HS6ST3: variants seen among roughly 807,000 people sequenced by gnomAD.
The protein encoded by HS6ST3 is heparan-sulfate 6-O-sulfotransferase 3.
HS6ST3 carries 12 observed loss-of-function variants against 36.7 expected under a neutral mutation model. That is an observed-to-expected ratio of 0.33 (90% CI 0.21 to 0.53). HS6ST3 has a LOEUF of 0.53. Ranked by LOEUF, HS6ST3 falls within the 20% of genes least tolerant of loss-of-function variation. The pLI, the probability that HS6ST3 is intolerant of heterozygous loss-of-function variation, is 0.95. For missense variants in HS6ST3, 584 were observed against 640.9 expected, an observed-to-expected ratio of 0.91 and a Z score of 0.96; for synonymous variants, 240 against 257.5, an observed-to-expected ratio of 0.93 and a Z score of 0.65.
chr13:96,660,669 A>C (rs1483304202), intron 1 of HS6ST3, among the ~76,000 whole-genome samples: 2 of 152,198 alleles, frequency 1.3e-5, no homozygotes, highest in Non-Finnish European at 2.9e-5. Flanking sequence ...GAACTCAAAG[A>C]ATTCTATTAA....
chr13:96,300,047 CTTTTTTTT>C (rs11350737), intron 1 of HS6ST3, among the ~76,000 whole-genome samples: 4 of 74,574 alleles, frequency 5.4e-5, no homozygotes, highest in South Asian at 5.7e-4. Flanking sequence ...AAGTGCTACA[CTTTTTTTT>C]TTTTTTTTTT....
At chr13:96,729,273 T>G (rs888101137) in intron 1 of HS6ST3, among the ~76,000 whole-genome samples, 1 of 152,054 alleles carries the variant, frequency 6.6e-6, no homozygotes, top group Non-Finnish European at 1.5e-5. Context: ...TTCACAGACT[T>G]ACTTCAAAAA....
chr13:96,194,155 C>T (rs1205614022), intron 1 of HS6ST3, among the ~76,000 whole-genome samples: 1 of 152,164 alleles, frequency 6.6e-6, no homozygotes, highest in Non-Finnish European at 1.5e-5. Context: ...CCACATATTG[C>T]AGCTGTTTTT....
At chr13:96,657,483 T>A (rs918697051) in intron 1 of HS6ST3, among the ~76,000 whole-genome samples, 1 of 152,142 alleles carries the variant, frequency 6.6e-6, no homozygotes, top group Non-Finnish European at 1.5e-5. Context: ...ATCATTTCAC[T>A]ACACTCCAGC....
intron 1 of HS6ST3, among the ~76,000 whole-genome samples, chr13:96,166,987 C>G (rs907576434): frequency 1.3e-5 from 2 of 152,120 alleles, no homozygotes; most frequent in African/African-American, 4.8e-5. Context: ...TGTTTGCTTC[C>G]CTTCCCACAT....
intron 1 of HS6ST3, among the ~76,000 whole-genome samples, chr13:96,175,023 A>G (rs2054205693): frequency 6.6e-6 from 1 of 152,156 alleles, no homozygotes; most frequent in African/African-American, 2.4e-5. Context: ...TATTAAGTGA[A>G]ATGTATTCTT....
rs572775518 is a variant in HS6ST3, at chr13:96,475,816, T to A, written c.708-356674T>A. ...CCATAGTAAGCCAAACAGACCTCTATGGCCATATGCGAGAATGAGGAATTT... is the reference window on the plus strand; with the variant it reads ...CCATAGTAAGCCAAACAGACCTCTAAGGCCATATGCGAGAATGAGGAATTT... On this transcript the variant is annotated intron_variant, in intron 1 of 1. Coordinates refer to ENST00000376705, the MANE Select transcript of HS6ST3 (RefSeq NM_153456.4). Among the ~76,000 whole-genome samples, 10 of 152,274 alleles carry A rather than the reference T, an allele frequency of 6.6e-5. No individual in the cohort carries two copies. The South Asian group carries it at 2.1e-3, about 32-fold the overall frequency.
At position 96,192,245 on chromosome 13, in the gene HS6ST3, T is replaced by G. The variant is rs547690012; in HGVS notation, c.707+100676T>G. Reference sequence around the variant, plus strand: ...TGGTACTCAAATTCAGATATGAATATTTTCAAGATATATGTTGACCAAATA... The same window carrying G: ...TGGTACTCAAATTCAGATATGAATAGTTTCAAGATATATGTTGACCAAATA... On this transcript the variant is annotated intron_variant, in intron 1 of 1. Transcript: ENST00000376705. Among the ~76,000 whole-genome samples the G allele has an allele frequency of 1.1e-4, 16 of 152,354 alleles. No homozygotes were observed. In the South Asian group the frequency reaches 3.3e-3, roughly 32 times the overall value.
intron 1 of HS6ST3, among the ~76,000 whole-genome samples, chr13:96,356,583 T>C (rs1171499666): frequency 6.6e-6 from 1 of 152,206 alleles, no homozygotes; most frequent in African/African-American, 2.4e-5. Flanking sequence ...TCATTCTTTC[T>C]TAGCAGTAGG....
At chr13:96,536,530 C>A (rs2138938803) in intron 1 of HS6ST3, among the ~76,000 whole-genome samples, 1 of 152,240 alleles carries the variant, frequency 6.6e-6, no homozygotes, top group South Asian at 2.1e-4. Flanking sequence ...ATATAAAGGG[C>A]AGTTTTAGCT....
chr13:96,784,496 C>T (rs1877595837), intron 1 of HS6ST3, among the ~76,000 whole-genome samples: 1 of 152,120 alleles, frequency 6.6e-6, no homozygotes, highest in African/African-American at 2.4e-5. Flanking sequence ...TAGTGTTCAA[C>T]AAGAGCATGA....
chr13:96,759,185 T>C (rs549578691), intron 1 of HS6ST3, among the ~76,000 whole-genome samples: 1 of 152,034 alleles, frequency 6.6e-6, no homozygotes, highest in East Asian at 1.9e-4. Flanking sequence ...CTTATACTTA[T>C]TAAATTTTGT....
intron 1 of HS6ST3, among the ~76,000 whole-genome samples, chr13:96,731,447 A>G (rs1274409502): frequency 6.6e-6 from 1 of 152,134 alleles, no homozygotes; most frequent in Non-Finnish European, 1.5e-5. Flanking sequence ...GCTGTATAGT[A>G]TCCCATTGTG....
chr13:96,416,902 G>T (rs2055536260), intron 1 of HS6ST3, among the ~76,000 whole-genome samples: 1 of 151,990 alleles, frequency 6.6e-6, no homozygotes. Flanking sequence ...ACAGGTGCCT[G>T]CCACCATGCC....
chr13:96,818,223 C>A (rs1878461915), intron 1 of HS6ST3, among the ~76,000 whole-genome samples: 1 of 152,202 alleles, frequency 6.6e-6, no homozygotes, highest in African/African-American at 2.4e-5. Flanking sequence ...AATTATCATG[C>A]ATATATTTTT....
chr13:96,687,026 T>C (rs1008322070), intron 1 of HS6ST3, among the ~76,000 whole-genome samples: 2 of 152,016 alleles, frequency 1.3e-5, no homozygotes, highest in African/African-American at 4.8e-5. Flanking sequence ...CAGGGCCTCT[T>C]TTCTCCTTTT....
At chr13:96,338,830 C>T (rs1222466605) in intron 1 of HS6ST3, among the ~76,000 whole-genome samples, 2 of 152,168 alleles carry the variant, frequency 1.3e-5, no homozygotes, top group African/African-American at 2.4e-5. Context: ...GTACCTACAT[C>T]AATTCCATCC....
Position 96,157,881 on chromosome 13 carries a change from G to C in HS6ST3, c.707+66312G>C, listed in dbSNP as rs141642831. Reference sequence around the variant, plus strand: ...AAGCAGATATCTTTGGAGACGCACTGTGAGCTAGGACACAGGGAGGAATGC... The same window carrying C: ...AAGCAGATATCTTTGGAGACGCACTCTGAGCTAGGACACAGGGAGGAATGC... On this transcript the variant is annotated intron_variant, in intron 1 of 1. Transcript: ENST00000376705. Among the ~76,000 whole-genome samples the C allele has an allele frequency of 1.6e-3, 246 of 152,292 alleles. 1 individual carries two copies. The highest frequency in any genetic ancestry group is 5.8e-3 in the African/African-American group (239 of 41,560).
chr13:96,173,524 A>G (rs1002096557), intron 1 of HS6ST3, among the ~76,000 whole-genome samples: 1 of 152,150 alleles, frequency 6.6e-6, no homozygotes, highest in Non-Finnish European at 1.5e-5. Context: ...CTTACCAAGG[A>G]GATAAAACCT....
Sources: gnomAD v4.1 joint callset for allele counts (sites outside exome capture counted in the v4.1 genomes callset) on GRCh38, gnomAD v4.1.1 for gene constraint, MANE v1.5 for transcripts, NCBI Gene and HGNC (gene_info 2026-07-23, HGNC 2026-07-21) for gene names.